Variants in NAALAD2 observed in about 807,000 individuals in gnomAD.
NAALAD2 encodes N-acetylated alpha-linked acidic dipeptidase 2.
In NAALAD2, 89 loss-of-function variants were observed where a neutral mutation model predicts 95.6. That is an observed-to-expected ratio of 0.93 (90% CI 0.78 to 1.11). NAALAD2 has a LOEUF of 1.11. Among genes scored for constraint, NAALAD2 ranks in the 50% least tolerant of loss-of-function variants. The pLI is 0.00. For synonymous variants in NAALAD2, 264 were observed against 294.4 expected (o/e 0.90, Z 1.06); for missense variants, 894 against 872.4 (o/e 1.02, Z -0.31).
chr11:90,143,517 G>A (rs568567288), intron 2 of NAALAD2, among the ~76,000 whole-genome samples: 1 of 151,998 alleles, frequency 6.6e-6, no homozygotes, highest in South Asian at 2.1e-4. Flanking sequence ...ATGTGTCTAG[G>A]CATAGTTTTC....
At chr11:90,170,527 A>T (rs956459298) in intron 13 of NAALAD2, among the ~76,000 whole-genome samples, 1 of 152,240 alleles carries the variant, frequency 6.6e-6, no homozygotes, top group African/African-American at 2.4e-5. Context: ...CTACAAAATG[A>T]ATTATAGCAG....
rs770283714 is a variant in NAALAD2 at position 90,152,346 on chromosome 11, G to T, written c.658G>T (p.Asp220Tyr). The T allele has an allele frequency of 1.2e-6, 2 of 1,613,092 alleles. No homozygotes were observed. Among genetic ancestry groups the T allele is most frequent in the South Asian group, 2.2e-5 (2 of 90,964 alleles). The change falls in exon 6 of 19, where the codon GAT becomes TAT. Residue 220 changes from aspartate to tyrosine, a missense_variant. Physicochemically the swap from Asp to Tyr is radical, Grantham distance 160. Transcript: ENST00000534061. ...AGCCATAGGAATCATCTTGTACTCA[G>T]ATCCAGCTGACTACTTTGCTCCTGA... is the stretch of plus-strand genomic sequence containing the variant. ...AGAIGIILYSDPADYFAPEVQ... is the reference protein window; with the variant it reads ...AGAIGIILYSYPADYFAPEVQ...
chr11:90,174,331 CAA>C (rs778712509), intron 14 of NAALAD2, among the ~76,000 whole-genome samples: 5 of 130,594 alleles, frequency 3.8e-5, no homozygotes, highest in Non-Finnish European at 5.0e-5. Context: ...AACTCCATCT[CAA>C]AAAAAAAAAA....
In NAALAD2 at chr11:90,191,875, G is replaced by C; in HGVS notation, c.*128G>C. 1.5e-6 allele frequency: 1 copy of C among 656,990 alleles called. No individual in the cohort carries two copies. The highest frequency in any genetic ancestry group is 2.2e-6 in the Non-Finnish European group (1 of 448,412). The allele number at this position is 656,990 out of a possible 1,614,324, so 40.7% of individuals were successfully genotyped here. A position where few individuals can be genotyped will look rare whatever the true frequency, so the allele number is the denominator to read the frequency against. On this transcript the variant is annotated 3_prime_UTR_variant, in exon 19 of 19. Coordinates refer to ENST00000534061, the MANE Select transcript of NAALAD2 (RefSeq NM_005467.4). ...TGTCATGTTTTGATTATAGGCTTTG[G>C]TCTTTTCATCTGCAAAGCCTTTTTT...
At chr11:90,165,698 T>C (rs1043201355) in intron 11 of NAALAD2, among the ~76,000 whole-genome samples, 3 of 152,214 alleles carry the variant, frequency 2.0e-5, no homozygotes, top group Admixed American at 1.3e-4. Flanking sequence ...TAACATTAAT[T>C]TGATGAATCA....
chr11:90,151,555 A>G (rs997973324), intron 5 of NAALAD2, among the ~76,000 whole-genome samples: 6 of 152,174 alleles, frequency 3.9e-5, no homozygotes, highest in Non-Finnish European at 8.8e-5. Flanking sequence ...AATAGTGTAT[A>G]TTCTTTCAAA....
intron 15 of NAALAD2, among the ~76,000 whole-genome samples, chr11:90,177,253 G>C (rs995483641): frequency 3.3e-5 from 5 of 151,522 alleles, no homozygotes; most frequent in African/African-American, 1.2e-4. Context: ...CACTGTTTGA[G>C]AAGGAAGGGA....
chr11:90,162,903 A>G, intron 8 of NAALAD2, 46 bp from the exon 9 acceptor site: 1 of 1,088,336 alleles, frequency 9.2e-7, no homozygotes, highest in Non-Finnish European at 1.4e-6. Context: ...CACTGTAAAA[A>G]ACATAATTTG....
chr11:90,133,829 C>CTT (rs34638303), upstream of NAALAD2, among the ~76,000 whole-genome samples: 16 of 149,700 alleles, frequency 1.1e-4, no homozygotes, highest in Middle Eastern at 3.4e-3. Context: ...GAAAGAAACT[C>CTT]TTTTTTTTTT....
chr11:90,132,413 A>T (rs1297439425), upstream of NAALAD2, among the ~76,000 whole-genome samples: 1 of 152,170 alleles, frequency 6.6e-6, no homozygotes. Flanking sequence ...TTCTTCAGTA[A>T]ATCTTTTCCT....
At chr11:90,142,027 T>C (rs1410132914) in intron 2 of NAALAD2, among the ~76,000 whole-genome samples, 1 of 152,188 alleles carries the variant, frequency 6.6e-6, no homozygotes, top group East Asian at 1.9e-4. Context: ...TTAAGTATGA[T>C]GTAGCTGTCG....
Position 90,190,694 on chromosome 11 carries a change from A to G in NAALAD2, c.2034-864A>G, listed in dbSNP as rs545548910. On this transcript the variant is annotated intron_variant, in intron 18 of 18. Coordinates refer to ENST00000534061, the MANE Select transcript of NAALAD2 (RefSeq NM_005467.4). The stretch of plus-strand genomic sequence containing the variant: ...ATTTTAAAAAAATCCATCTGAGGCC[A>G]TATTAAGATTTAAAAGCCAAGATAA... Among the ~76,000 whole-genome samples, 6 of 152,278 alleles carry G rather than the reference A, an allele frequency of 3.9e-5. No individual in the cohort carries two copies. In the East Asian group the frequency reaches 1.2e-3, roughly 29 times the overall value.
chr11:90,185,559 T>C (rs992711269), intron 18 of NAALAD2, among the ~76,000 whole-genome samples: 16 of 151,982 alleles, frequency 1.1e-4, no homozygotes, highest in African/African-American at 3.9e-4. Flanking sequence ...CCTAGCTACT[T>C]GGGAGGGTAA....
Position 90,155,547 on chromosome 11 carries a change from A to C in NAALAD2, c.797-2598A>C, listed in dbSNP as rs1343105147. Among the ~76,000 whole-genome samples the C allele has an allele frequency of 4.5e-4, 50 of 110,022 alleles. No homozygotes were observed. In the East Asian group the frequency reaches 0.012, roughly 26 times the overall value. The allele number at this position is 110,022 out of a possible 152,430, so 72.2% of individuals were successfully genotyped here. A position where few individuals can be genotyped will look rare whatever the true frequency, so the allele number is the denominator to read the frequency against. On this transcript the variant is annotated intron_variant, in intron 6 of 18. Transcript: ENST00000534061. Reference sequence around the variant, plus strand: ...TATTATATATGCTATATTATATATGATATATAATGTGTAATATATAATATA... The same window carrying C: ...TATTATATATGCTATATTATATATGCTATATAATGTGTAATATATAATATA...
intron 7 of NAALAD2, 82 bp from the exon 8 acceptor site, chr11:90,159,157 T>G: frequency 9.6e-7 from 1 of 1,045,088 alleles, no homozygotes. Flanking sequence ...TATATATGAA[T>G]GAAATATTGT....
At chr11:90,182,346 A>C (rs1952998891) in intron 17 of NAALAD2, among the ~76,000 whole-genome samples, 1 of 152,134 alleles carries the variant, frequency 6.6e-6, no homozygotes, top group Non-Finnish European at 1.5e-5. Context: ...CCATATTGGA[A>C]GAAAGCTATT....
In NAALAD2 at chr11:90,178,023, A is replaced by G; in HGVS notation, c.1764A>G (p.Gln588=). 6.2e-7 allele frequency: 1 copy of G among 1,613,972 alleles called. No individual in the cohort carries two copies. Among genetic ancestry groups the G allele is most frequent in the Non-Finnish European group, 8.5e-7 (1 of 1,179,938 alleles). Residue 588 remains glutamine (Q), a synonymous_variant, in exon 16 of 19, where the codon CAA becomes CAG. Coordinates refer to ENST00000534061, the MANE Select transcript of NAALAD2 (RefSeq NM_005467.4). The stretch of plus-strand genomic sequence containing the variant: ...CTAAAATCATTCCTTTTAATATTCA[A>G]GACTATGCAGAAGCTTTGAAAAACT... ...VDSKIIPFNI[Q]DYAEALKNYA...
intron 6 of NAALAD2, 137 bp downstream of exon 6, chr11:90,152,621 A>T: frequency 1.7e-6 from 1 of 595,324 alleles, no homozygotes; most frequent in Non-Finnish European, 2.7e-6. Context: ...TACTGCTGCT[A>T]GGAATTTTAA....
At chr11:90,186,423 T>G (rs925413882) in intron 18 of NAALAD2, among the ~76,000 whole-genome samples, 8 of 152,170 alleles carry the variant, frequency 5.3e-5, no homozygotes, top group Non-Finnish European at 1.0e-4. Context: ...TAATCCAGTC[T>G]ATCATTGTTG....
Sources: allele counts gnomAD v4.1 joint callset (sites outside exome capture counted in the v4.1 genomes callset), GRCh38; gene constraint gnomAD v4.1.1; transcripts MANE v1.5; gene names NCBI Gene and HGNC (gene_info 2026-07-23, HGNC 2026-07-21).